KIAA2012: variants seen among roughly 807,000 people sequenced by gnomAD.
KIAA2012 encodes uncharacterized protein KIAA2012.
KIAA2012 carries 125 observed loss-of-function variants against 150.6 expected under a neutral mutation model. The observed-to-expected ratio is 0.83, with a 90% CI of 0.72 to 0.96. KIAA2012 has a LOEUF of 0.96. Among genes scored for constraint, KIAA2012 ranks in the 40% least tolerant of loss-of-function variants. The pLI, the probability that KIAA2012 is intolerant of heterozygous loss-of-function variation, is 0.00. For synonymous variants in KIAA2012, 462 were observed against 504.7 expected (o/e 0.92, Z 1.13); for missense variants, 1,219 against 1,354.9 (o/e 0.90, Z 1.57).
At chr2:202,098,707 G>T (rs748169198) in intron 5 of KIAA2012, among the ~76,000 whole-genome samples, 6 of 151,876 alleles carry the variant, frequency 4.0e-5, no homozygotes, top group Non-Finnish European at 8.8e-5. Context: ...TCTGTAAAAT[G>T]GAGCTATTAT....
intron 15 of KIAA2012, among the ~76,000 whole-genome samples, chr2:202,172,222 G>T (rs992275748): frequency 6.6e-6 from 1 of 152,222 alleles, no homozygotes; most frequent in Non-Finnish European, 1.5e-5. Flanking sequence ...AAAGTGCATT[G>T]TTTCTATTCC....
intron 3 of KIAA2012, among the ~76,000 whole-genome samples, chr2:202,091,597 C>G (rs1021558355): frequency 6.6e-6 from 1 of 152,104 alleles, no homozygotes; most frequent in Non-Finnish European, 1.5e-5. Context: ...ACATGCATAC[C>G]CACCCCCGCA....
chr2:202,107,835 C>T (rs1167416106), intron 9 of KIAA2012, among the ~76,000 whole-genome samples: 1 of 152,134 alleles, frequency 6.6e-6, no homozygotes, highest in Non-Finnish European at 1.5e-5. Flanking sequence ...GTGGTGAAAC[C>T]CCATCTCAAC....
At chr2:202,124,630 C>A (rs1291948757) in intron 11 of KIAA2012, among the ~76,000 whole-genome samples, 1 of 152,162 alleles carries the variant, frequency 6.6e-6, no homozygotes, top group Non-Finnish European at 1.5e-5. Flanking sequence ...CTTATTTTGT[C>A]AAAAGTTCTT....
chr2:202,197,931 T>C (rs944075329), intron 22 of KIAA2012: 8 of 150,122 alleles, frequency 5.3e-5, no homozygotes, highest in Admixed American at 2.7e-4. Flanking sequence ...CCTAGCACTT[T>C]GGGAGGCTGA....
chr2:202,140,346 C>G (rs539515717), intron 13 of KIAA2012, among the ~76,000 whole-genome samples: 22 of 152,256 alleles, frequency 1.4e-4, no homozygotes, highest in African/African-American at 4.3e-4. Context: ...GCTGGTTCCC[C>G]CCGTGAGGCT....
chr2:202,109,882 A>C (rs1253272757), intron 10 of KIAA2012, 93 bp downstream of exon 10: 2 of 1,177,870 alleles, frequency 1.7e-6, no homozygotes, highest in Non-Finnish European at 1.2e-6. Flanking sequence ...AGTTTTCTGA[A>C]AGGCATTCCA....
At chr2:202,084,299 G>A (rs372898670) in intron 2 of KIAA2012, among the ~76,000 whole-genome samples, 4 of 152,258 alleles carry the variant, frequency 2.6e-5, no homozygotes, top group East Asian at 1.9e-4. Flanking sequence ...AAGCCCTACC[G>A]TCTCCTTCTA....
chr2:202,191,308 C>T (rs1407843772), intron 19 of KIAA2012, among the ~76,000 whole-genome samples: 1 of 152,058 alleles, frequency 6.6e-6, no homozygotes, highest in Non-Finnish European at 1.5e-5. Context: ...GTAAGAGTCA[C>T]TTTGTTCCAG....
In KIAA2012 at chr2:202,154,768, T is replaced by G. The variant is rs927851823; in HGVS notation, c.2004T>G (p.Phe668Leu). ...TGATATGTTCAAACAGAAAAGAATTTTACACGCGCAAGCTGCACATCGACA... is the reference window on the plus strand; with the variant it reads ...TGATATGTTCAAACAGAAAAGAATTGTACACGCGCAAGCTGCACATCGACA... ...KALICSNRKE[F>L]YTRKLHIDMT... Residue 668 changes from phenylalanine to leucine, a missense_variant, in exon 14 of 24, where the codon TTT becomes TTG. Physicochemically the swap from Phe to Leu is conservative, Grantham distance 22. Coordinates refer to ENST00000498697, the MANE Select transcript of KIAA2012 (RefSeq NM_001277372.4). 2 of 1,550,042 alleles carry G rather than the reference T, an allele frequency of 1.3e-6. No homozygotes were observed. Among genetic ancestry groups the G allele is most frequent in the Admixed American group, 3.9e-5 (2 of 50,842 alleles).
At chr2:202,094,398 G>A (rs997979760) in intron 4 of KIAA2012, among the ~76,000 whole-genome samples, 1 of 152,234 alleles carries the variant, frequency 6.6e-6, no homozygotes, top group Non-Finnish European at 1.5e-5. Context: ...AATGAATGGA[G>A]AAGTGAACAT....
intron 12 of KIAA2012, among the ~76,000 whole-genome samples, chr2:202,128,541 G>A (rs2105938408): frequency 6.6e-6 from 1 of 152,058 alleles, no homozygotes; most frequent in Middle Eastern, 3.4e-3. Context: ...CAAAGTGCTG[G>A]GATTACAGGC....
At chr2:202,197,669 T>C (rs1692437714) in intron 22 of KIAA2012, 1 of 152,358 alleles carries the variant, frequency 6.6e-6, no homozygotes, top group Non-Finnish European at 1.5e-5. Context: ...AAGACCAGCC[T>C]AGGCAACTAA....
intron 9 of KIAA2012, among the ~76,000 whole-genome samples, chr2:202,109,242 GTCC>G (rs1288638975): frequency 2.0e-5 from 3 of 152,140 alleles, no homozygotes; most frequent in Non-Finnish European, 4.4e-5. Flanking sequence ...ACCCTCTCCA[GTCC>G]TCCTTCCATC....
At chr2:202,113,096 G>A (rs1690414736) in intron 10 of KIAA2012, among the ~76,000 whole-genome samples, 1 of 152,156 alleles carries the variant, frequency 6.6e-6, no homozygotes, top group African/African-American at 2.4e-5. Context: ...GCATGATGTA[G>A]GCAAGTGGTA....
At chr2:202,144,221 A>C (rs1197771937) in intron 13 of KIAA2012, among the ~76,000 whole-genome samples, 1 of 152,176 alleles carries the variant, frequency 6.6e-6, no homozygotes, top group Non-Finnish European at 1.5e-5. Flanking sequence ...GAACTTTGAT[A>C]GTATCCTAAA....
intron 12 of KIAA2012, among the ~76,000 whole-genome samples, chr2:202,131,141 T>C (rs1346613986): frequency 6.6e-6 from 1 of 152,090 alleles, no homozygotes; most frequent in Non-Finnish European, 1.5e-5. Context: ...AGTATGTTTT[T>C]TTGTTTGTTT....
chr2:202,201,379 C>T (rs541950951), intron 22 of KIAA2012: 742 of 1,586,324 alleles, frequency 4.7e-4, no homozygotes, highest in Admixed American at 7.7e-4. Context: ...GCCTTGGTTC[C>T]TCACCAGATG....
intron 15 of KIAA2012, among the ~76,000 whole-genome samples, chr2:202,181,855 A>G (rs1312294336): frequency 1.3e-5 from 2 of 152,038 alleles, no homozygotes; most frequent in Non-Finnish European, 2.9e-5. Context: ...CTACTTTTTT[A>G]AAGCAGCTTT....
Sources: gnomAD v4.1 joint callset for allele counts (sites outside exome capture counted in the v4.1 genomes callset) on GRCh38, gnomAD v4.1.1 for gene constraint, MANE v1.5 for transcripts, NCBI Gene and HGNC (gene_info 2026-07-23, HGNC 2026-07-21) for gene names.